CA10: variants seen among roughly 807,000 people sequenced by gnomAD.
CA10 encodes carbonic anhydrase 10 (inactive).
CA10 carries 14 observed loss-of-function variants against 44.2 expected under a neutral mutation model. The observed-to-expected ratio is 0.32, with a 90% CI of 0.21 to 0.50. The LOEUF (loss-of-function observed/expected upper bound fraction) is 0.50, where lower values mean the gene tolerates loss of function less well. CA10 is among the 20% of genes least tolerant of loss of function. The pLI, the probability that CA10 is intolerant of heterozygous loss-of-function variation, is 0.99. For synonymous variants in CA10, 159 were observed against 141.6 expected, an observed-to-expected ratio of 1.12 and a Z score of -0.87; for missense variants, 350 against 409.7, an observed-to-expected ratio of 0.85 and a Z score of 1.26.
chr17:52,117,509 T>G (rs1436337377), intron 1 of CA10, among the ~76,000 whole-genome samples: 1 of 152,216 alleles, frequency 6.6e-6, no homozygotes, highest in Non-Finnish European at 1.5e-5. Context: ...ATGAAAAATT[T>G]TATAGCTACT....
At chr17:52,110,869 G>T (rs1273992442) in intron 1 of CA10, among the ~76,000 whole-genome samples, 1 of 152,124 alleles carries the variant, frequency 6.6e-6, no homozygotes, top group East Asian at 1.9e-4. Context: ...GAAGAATAGG[G>T]CAGTTGTGAG....
intron 2 of CA10, among the ~76,000 whole-genome samples, chr17:51,969,687 AC>A (rs1001482827): frequency 7.2e-5 from 11 of 151,850 alleles, no homozygotes; most frequent in Non-Finnish European, 1.3e-4. Context: ...TTTATTGAGT[AC>A]CCCCTGTGTG....
intron 4 of CA10, among the ~76,000 whole-genome samples, chr17:51,718,099 A>T (rs148242951): frequency 1.3e-3 from 202 of 151,298 alleles, no homozygotes; most frequent in African/African-American, 4.8e-3. Flanking sequence ...GACAAAAGAC[A>T]TACAAATATG....
intron 2 of CA10, among the ~76,000 whole-genome samples, chr17:51,967,709 G>A (rs1488343064): frequency 1.3e-5 from 2 of 151,568 alleles, no homozygotes; most frequent in Non-Finnish European, 3.0e-5. Context: ...GAGAGAAGGG[G>A]ACAAAGAGTT....
At chr17:51,832,659 G>T (rs946015864) in intron 3 of CA10, among the ~76,000 whole-genome samples, 1 of 152,184 alleles carries the variant, frequency 6.6e-6, no homozygotes, top group Non-Finnish European at 1.5e-5. Context: ...GACCATCGAG[G>T]ATTTATCTGG....
At chr17:51,881,958 C>T (rs914151258) in intron 3 of CA10, among the ~76,000 whole-genome samples, 39 of 151,464 alleles carry the variant, frequency 2.6e-4, no homozygotes, top group East Asian at 1.2e-3. Context: ...AAGACACATG[C>T]GCAAAATGTT....
At chr17:51,663,106 GAC>G (rs759564439) in intron 4 of CA10, among the ~76,000 whole-genome samples, 3 of 152,128 alleles carry the variant, frequency 2.0e-5, no homozygotes, top group Non-Finnish European at 2.9e-5. Flanking sequence ...ACAAGATAAT[GAC>G]ACAGTCTTTC....
rs984536102 is a variant in CA10, at chr17:52,013,060, T to C, written c.136+59259A>G. 2.6e-5 allele frequency among the ~76,000 whole-genome samples: 4 copies of C among 151,970 alleles called. No individual in the cohort carries two copies. In the East Asian group the frequency reaches 5.8e-4, roughly 22 times the overall value. On this transcript the variant is annotated intron_variant, in intron 2 of 8. Coordinates refer to ENST00000451037, the MANE Select transcript of CA10 (RefSeq NM_020178.5). ...GCAATGAGTATAAGAAAATCCTAAA[T>C]TGATAAAGCAACCATTCTCTGGGAA...
At chr17:51,875,845 C>T (rs985019984) in intron 3 of CA10, among the ~76,000 whole-genome samples, 1 of 152,148 alleles carries the variant, frequency 6.6e-6, no homozygotes, top group Non-Finnish European at 1.5e-5. Flanking sequence ...CTTCTTACTC[C>T]TGGAGACCGC....
At chr17:52,035,744 C>T (rs1431031865) in intron 2 of CA10, among the ~76,000 whole-genome samples, 1 of 152,356 alleles carries the variant, frequency 6.6e-6, no homozygotes, top group Non-Finnish European at 1.5e-5. Flanking sequence ...CACTCATGCA[C>T]TCCAGTTCCT....
chr17:51,863,156 C>T (rs1297358083), intron 3 of CA10, among the ~76,000 whole-genome samples: 1 of 152,168 alleles, frequency 6.6e-6, no homozygotes, highest in Non-Finnish European at 1.5e-5. Context: ...AGTCAACAAA[C>T]AGTAAGCATG....
chr17:51,691,625 A>AC (rs1282496901), intron 4 of CA10, among the ~76,000 whole-genome samples: 2 of 152,134 alleles, frequency 1.3e-5, no homozygotes, highest in African/African-American at 4.8e-5. Flanking sequence ...CATATATAAA[A>AC]AAAATCATTG....
chr17:51,648,951 T>C (rs529144487), intron 6 of CA10, among the ~76,000 whole-genome samples: 1 of 152,124 alleles, frequency 6.6e-6, no homozygotes, highest in South Asian at 2.1e-4. Context: ...ATGACCACCA[T>C]AGTCATAATC....
chr17:52,082,152 G>T (rs1201991464), intron 1 of CA10, among the ~76,000 whole-genome samples: 1 of 152,090 alleles, frequency 6.6e-6, no homozygotes, highest in Admixed American at 6.5e-5. Flanking sequence ...ACAAATATTT[G>T]CTTAATAAAT....
intron 2 of CA10, among the ~76,000 whole-genome samples, chr17:51,939,133 C>T (rs1309006335): frequency 6.6e-6 from 1 of 151,896 alleles, no homozygotes; most frequent in East Asian, 1.9e-4. Flanking sequence ...AATATATACA[C>T]ATGTATATAT....
At chr17:51,837,656 C>T (rs574170393) in intron 3 of CA10, among the ~76,000 whole-genome samples, 1 of 152,182 alleles carries the variant, frequency 6.6e-6, no homozygotes, top group African/African-American at 2.4e-5. Flanking sequence ...CAGAGAGTGC[C>T]TTTTGTTTGT....
chr17:52,057,570 G>C (rs949309476), intron 2 of CA10, among the ~76,000 whole-genome samples: 1 of 152,024 alleles, frequency 6.6e-6, no homozygotes, highest in Non-Finnish European at 1.5e-5. Context: ...AGTTTTGGGG[G>C]AGTCAAAGTT....
intron 3 of CA10, among the ~76,000 whole-genome samples, chr17:51,930,440 G>C (rs1442987253): frequency 6.6e-6 from 1 of 152,068 alleles, no homozygotes; most frequent in Admixed American, 6.6e-5. Context: ...GTGAAGGAGG[G>C]ATTTAGGTGT....
chr17:51,687,928 C>T (rs982073803), intron 4 of CA10, among the ~76,000 whole-genome samples: 7 of 152,098 alleles, frequency 4.6e-5, no homozygotes, highest in Non-Finnish European at 1.0e-4. Flanking sequence ...TGTGTGGTTC[C>T]CTCTCATGTT....
Sources: allele counts gnomAD v4.1 joint callset (sites outside exome capture counted in the v4.1 genomes callset), GRCh38; gene constraint gnomAD v4.1.1; transcripts MANE v1.5; gene names NCBI Gene and HGNC (gene_info 2026-07-23, HGNC 2026-07-21).